Variants in STIMATE observed in about 807,000 individuals in gnomAD.
STIMATE encodes STIM activating enhancer, also known as store-operated calcium entry regulator STIMATE.
Under a neutral mutation model 36.7 loss-of-function variants are expected in STIMATE, and 15 were observed. That is an observed-to-expected ratio of 0.41 (90% CI 0.27 to 0.63). The LOEUF is 0.63. Ranked by LOEUF, STIMATE falls within the 20% of genes least tolerant of loss-of-function variation. The pLI is 0.32. For missense variants in STIMATE, 305 were observed against 397.3 expected, an observed-to-expected ratio of 0.77 and a Z score of 1.98; for synonymous variants, 163 against 162.3, an observed-to-expected ratio of 1.00 and a Z score of -0.03.
At chr3:52,874,687 C>T (rs1341179064) in intron 1 of STIMATE, among the ~76,000 whole-genome samples, 1 of 152,054 alleles carries the variant, frequency 6.6e-6, no homozygotes, top group African/African-American at 2.4e-5. Context: ...ATGGGGAAAC[C>T]CAGTCTCTAC....
In STIMATE at chr3:52,897,441, G is replaced by C; in HGVS notation, c.10C>G (p.Pro4Ala). Reference sequence around the variant, plus strand: ...AGTCCCCGGCTCGCGTTCCCGGCGGGGCCCTGCATGACAGGCCTCGCGGGA... The same window carrying C: ...AGTCCCCGGCTCGCGTTCCCGGCGGCGCCCTGCATGACAGGCCTCGCGGGA... The part of the protein sequence containing the change: MQG[P>A]AGNASRGLPG... The change falls in exon 1 of 8, where the codon CCC (proline) becomes GCC (alanine). Residue 4 changes from proline (P) to alanine (A), a missense_variant. Coordinates refer to ENST00000355083, the MANE Select transcript of STIMATE (RefSeq NM_198563.5). 2.1e-6 allele frequency: 3 copies of C among 1,419,884 alleles called. No individual in the cohort carries two copies. Among genetic ancestry groups the C allele is most frequent in the Non-Finnish European group, 2.7e-6 (3 of 1,095,126 alleles). 88.0% of individuals were successfully genotyped at this position (1,419,884 alleles called of 1,614,324 possible). A position where few individuals can be genotyped will look rare whatever the true frequency, so the allele number is the denominator to read the frequency against.
chr3:52,857,453 A>G (rs1480127497), intron 1 of STIMATE, among the ~76,000 whole-genome samples: 1 of 152,152 alleles, frequency 6.6e-6, no homozygotes, highest in African/African-American at 2.4e-5. Context: ...GGCCAGGACA[A>G]AACTGTTTGG....
chr3:52,855,656 T>C (rs1190665560), intron 1 of STIMATE, among the ~76,000 whole-genome samples: 2 of 152,206 alleles, frequency 1.3e-5, no homozygotes, highest in African/African-American at 2.4e-5. Flanking sequence ...AACTGGACAC[T>C]TAGGGAGAAG....
intron 5 of STIMATE, among the ~76,000 whole-genome samples, chr3:52,844,209 TAA>T (rs1431893356): frequency 6.6e-5 from 10 of 152,188 alleles, no homozygotes; most frequent in Admixed American, 6.5e-4. Context: ...CAACCACCCC[TAA>T]AAGACAACAG....
chr3:52,874,857 A>T (rs1263928239), intron 1 of STIMATE, among the ~76,000 whole-genome samples: 2 of 152,186 alleles, frequency 1.3e-5, no homozygotes, highest in African/African-American at 2.4e-5. Flanking sequence ...ATAATAATAG[A>T]TAAATAAAAT....
chr3:52,893,175 A>G (rs572341696), intron 1 of STIMATE, among the ~76,000 whole-genome samples: 2 of 152,226 alleles, frequency 1.3e-5, no homozygotes, highest in Admixed American at 6.5e-5. Flanking sequence ...TCCAGCTATA[A>G]AAGACTTGTG....
Position 52,897,401 on chromosome 3 carries a change from G to A in STIMATE, c.50C>T (p.Pro17Leu). The A allele has an allele frequency of 1.3e-6, 2 of 1,487,242 alleles. No homozygotes were observed. The highest frequency in any genetic ancestry group is 1.8e-6 in the Non-Finnish European group (2 of 1,125,598). The allele number at this position is 1,487,242 out of a possible 1,614,324, so 92.1% of individuals were successfully genotyped here. A position where few individuals can be genotyped will look rare whatever the true frequency, so the allele number is the denominator to read the frequency against. The change falls in exon 1 of 8, where the codon CCC becomes CTC. Residue 17 changes from proline to leucine, a missense_variant. By Grantham distance (98) the Pro-to-Leu change is moderately conservative. Around this residue, in one of 3 missense-constraint regions of STIMATE, gnomAD observed 57 missense variants for 57.1 expected, o/e 1.00. Transcript: ENST00000355083. ...GCCCGCCCCGGACGCGACTGTGGAGGGCGGCCCGCCTGGCAGTCCCCGGCT... is the reference window on the plus strand; with the variant it reads ...GCCCGCCCCGGACGCGACTGTGGAGAGCGGCCCGCCTGGCAGTCCCCGGCT... The part of the protein sequence containing the change: ...NASRGLPGGP[P>L]STVASGAGRC...
intron 1 of STIMATE, among the ~76,000 whole-genome samples, chr3:52,875,933 A>T (rs1011223018): frequency 1.3e-5 from 2 of 152,210 alleles, no homozygotes; most frequent in East Asian, 3.9e-4. Flanking sequence ...CTGGAGAAGC[A>T]GTGTGAGGGT....
At chr3:52,880,552 A>T (rs568660389) in intron 1 of STIMATE, among the ~76,000 whole-genome samples, 1 of 152,232 alleles carries the variant, frequency 6.6e-6, no homozygotes, top group Non-Finnish European at 1.5e-5. Flanking sequence ...CTCACAGCAG[A>T]GAACGAAGAC....
chr3:52,867,725 C>T lies in STIMATE; in HGVS notation c.161-12281G>A, dbSNP rs147893165. On this transcript the variant is annotated intron_variant, in intron 1 of 7. Coordinates refer to ENST00000355083, the MANE Select transcript of STIMATE (RefSeq NM_198563.5). ...AGCGCCACCTCCAGCTGAATATCAG[C>T]TCATAAACTACGCAGTGTGGCTCCC... Among the ~76,000 whole-genome samples, 1,087 of 152,350 alleles carry T rather than the reference C, an allele frequency of 7.1e-3. 112 individuals are homozygous for T. The South Asian group carries it at 0.2, about 28-fold the overall frequency.
intron 1 of STIMATE, among the ~76,000 whole-genome samples, chr3:52,895,309 G>C (rs1033709951): frequency 1.3e-5 from 2 of 152,166 alleles, no homozygotes; most frequent in Non-Finnish European, 2.9e-5. Flanking sequence ...GAGTACCATT[G>C]CCCTGGCCTG....
chr3:52,860,363 G>C (rs1701197410), intron 1 of STIMATE, among the ~76,000 whole-genome samples: 1 of 152,044 alleles, frequency 6.6e-6, no homozygotes, highest in South Asian at 2.1e-4. Context: ...CTGTCAATGA[G>C]GAGGTATGAA....
intron 1 of STIMATE, among the ~76,000 whole-genome samples, chr3:52,864,521 T>C (rs1467688927): frequency 6.6e-6 from 1 of 152,218 alleles, no homozygotes; most frequent in Non-Finnish European, 1.5e-5. Context: ...ATTTTCCCCA[T>C]GATCTTGGGG....
intron 1 of STIMATE, among the ~76,000 whole-genome samples, chr3:52,893,035 C>T (rs1460113437): frequency 6.7e-6 from 1 of 148,868 alleles, no homozygotes; most frequent in Non-Finnish European, 1.5e-5. Flanking sequence ...CTTCAAAAAG[C>T]CAGAAACATT....
At chr3:52,842,083 G>A (rs909058399) in intron 7 of STIMATE, among the ~76,000 whole-genome samples, 8 of 152,196 alleles carry the variant, frequency 5.3e-5, no homozygotes, top group Non-Finnish European at 1.2e-4. Flanking sequence ...GTGTCATGAC[G>A]AAATACTTAT....
rs17052574 is a variant in STIMATE at position 52,858,867 on chromosome 3, C to T, written c.161-3423G>A. 6.4e-3 allele frequency among the ~76,000 whole-genome samples: 979 copies of T among 152,036 alleles called. 12 individuals carry two copies. Among genetic ancestry groups the T allele is most frequent in the African/African-American group, 0.022 (922 of 41,488 alleles). ...TACAATACTAAGCAGTTGCTAAAAA[C>T]GACAAGGTAGGCCAGGCGTGGTGGC... On this transcript the variant is annotated intron_variant, in intron 1 of 7. Transcript: ENST00000355083.
chr3:52,869,811 C>T (rs1668237378), intron 1 of STIMATE, among the ~76,000 whole-genome samples: 1 of 152,200 alleles, frequency 6.6e-6, no homozygotes, highest in South Asian at 2.1e-4. Flanking sequence ...AGTATGAGCT[C>T]TGGGTTCAAA....
intron 3 of STIMATE, 121 bp downstream of exon 3, chr3:52,852,482 G>A: frequency 8.1e-7 from 1 of 1,227,692 alleles, no homozygotes; most frequent in Non-Finnish European, 1.2e-6. Flanking sequence ...GGAGCACAGA[G>A]GAAAAGGGGA....
intron 1 of STIMATE, among the ~76,000 whole-genome samples, chr3:52,861,114 T>A (rs1430363836): frequency 2.6e-5 from 4 of 152,074 alleles, no homozygotes; most frequent in Non-Finnish European, 5.9e-5. Flanking sequence ...TTCTAACACA[T>A]CCTCATCCCC....
Sources: allele counts gnomAD v4.1 joint callset (sites outside exome capture counted in the v4.1 genomes callset), GRCh38; gene constraint gnomAD v4.1.1; regional missense constraint gnomAD v4.1.1; transcripts MANE v1.5; gene names NCBI Gene and HGNC (gene_info 2026-07-23, HGNC 2026-07-21).